Variants in FARP2 observed in about 807,000 individuals in gnomAD.
The protein encoded by FARP2 is FERM, ARHGEF and pleckstrin domain-containing protein 2.
Under a neutral mutation model 130.5 loss-of-function variants are expected in FARP2, and 111 were observed. The observed-to-expected ratio is 0.85, with a 90% CI of 0.73 to 1.00. FARP2 has a LOEUF of 1.00. FARP2 is among the 50% of genes least tolerant of loss of function. The probability of loss-of-function intolerance (pLI) is 0.00; values close to 1 mark genes in which losing one functional copy is unlikely to be tolerated. For synonymous variants in FARP2, 504 were observed against 516.9 expected, an observed-to-expected ratio of 0.98 and a Z score of 0.34; for missense variants, 1,385 against 1,346.3, an observed-to-expected ratio of 1.03 and a Z score of -0.45.
Position 241,483,519 on chromosome 2 carries a change from A to C in FARP2, c.2317A>C (p.Arg773=). 6.2e-7 allele frequency: 1 copy of C among 1,614,080 alleles called. No homozygotes were observed. The highest frequency in any genetic ancestry group is 8.5e-7 in the Non-Finnish European group (1 of 1,179,936). Residue 773 remains arginine, a synonymous_variant, in exon 20 of 27, where the codon AGG becomes CGG. Transcript: ENST00000264042. The stretch of plus-strand genomic sequence containing the variant: ...GCTCACCAAGAAGGGCCTGCAGCAG[A>C]GGATGTTTTTTCTGGTAGGTTCTCT... ...HKLTKKGLQQ[R]MFFLFSDMLL...
intron 21 of FARP2, 47 bp downstream of exon 21, chr2:241,484,378 T>TGGGCC (rs1559811795): frequency 1.3e-6 from 2 of 1,501,224 alleles, no homozygotes; most frequent in Non-Finnish European, 1.9e-6. Flanking sequence ...GGTGCTGGGC[T>TGGGCC]GGGCCCCACC....
rs769442983 is a variant in FARP2 at position 241,493,358 on chromosome 2, T to G, written c.2961T>G (p.Asp987Glu). 1.4e-5 allele frequency: 22 copies of G among 1,613,916 alleles called. No individual in the cohort carries two copies. In the East Asian group the frequency reaches 4.7e-4, roughly 34 times the overall value. The part of the protein sequence containing the change: ...GYSVSIPREA[D>E]GIHKDYVFKL... ...GCGTGAGCATCCCCAGGGAGGCCGA[T>G]GGCATACACAAAGACTATGTTTTCA... Residue 987 changes from aspartate to glutamate, a missense_variant, in exon 26 of 27, where the codon GAT becomes GAG. Coordinates refer to ENST00000264042, the MANE Select transcript of FARP2 (RefSeq NM_014808.4).
chr2:241,384,525 A>G (rs958042706), intron 2 of FARP2, among the ~76,000 whole-genome samples: 1 of 152,258 alleles, frequency 6.6e-6, no homozygotes, highest in East Asian at 1.9e-4. Context: ...TTCATGGATC[A>G]ATCTAAAATA....
At chr2:241,484,739 A>C (rs2124890606) in intron 21 of FARP2, among the ~76,000 whole-genome samples, 1 of 152,328 alleles carries the variant, frequency 6.6e-6, no homozygotes, top group South Asian at 2.1e-4. Context: ...GGATGGGAAG[A>C]GAAATTCCTC....
At chr2:241,432,347 G>A (rs1454527017) in intron 9 of FARP2, 1 of 152,330 alleles carries the variant, frequency 6.6e-6, no homozygotes, top group Non-Finnish European at 1.5e-5. Flanking sequence ...AAAACCCCAG[G>A]GTTTCAGCTT....
At chr2:241,487,737 T>C (rs191044950) in intron 21 of FARP2, among the ~76,000 whole-genome samples, 125 of 132,854 alleles carry the variant, frequency 9.4e-4, no homozygotes, top group Non-Finnish European at 1.6e-3. Flanking sequence ...TAGCTTAGCC[T>C]AGCCTACTCT....
Position 241,462,565 on chromosome 2 carries a change from C to T in FARP2, c.1630C>T (p.Leu544Phe). ...DEAYFIVKEI[L>F]ATERTYLKDL... Reference sequence around the variant, plus strand: ...GGCCTACTTCATAGTCAAAGAGATTCTCGCTACAGAACGAACATACCTCAA... The same window carrying T: ...GGCCTACTTCATAGTCAAAGAGATTTTCGCTACAGAACGAACATACCTCAA... The change falls in exon 15 of 27, where the codon CTC becomes TTC. Residue 544 changes from leucine (L) to phenylalanine (F), a missense_variant. Coordinates refer to ENST00000264042, the MANE Select transcript of FARP2 (RefSeq NM_014808.4). 1.2e-6 allele frequency: 2 copies of T among 1,614,040 alleles called. No individual in the cohort carries two copies. The highest frequency in any genetic ancestry group is 2.2e-5 in the East Asian group (1 of 44,894).
At chr2:241,407,051 G>GC (rs773935773) in intron 4 of FARP2, among the ~76,000 whole-genome samples, 17 of 150,374 alleles carry the variant, frequency 1.1e-4, no homozygotes, top group African/African-American at 3.4e-4. Flanking sequence ...CTTGTGATCC[G>GC]CCCCCCTCAG....
intron 2 of FARP2, among the ~76,000 whole-genome samples, chr2:241,398,416 T>C (rs1242214938): frequency 1.3e-5 from 2 of 152,218 alleles, no homozygotes; most frequent in African/African-American, 4.8e-5. Flanking sequence ...GTGAAAATTA[T>C]CAGTGTTGTT....
chr2:241,376,525 GTCCCCC>G (rs1308790847), intron 2 of FARP2, among the ~76,000 whole-genome samples: 1 of 59,750 alleles, frequency 1.7e-5, no homozygotes, highest in East Asian at 5.1e-4. Flanking sequence ...AGTGGGCAGA[GTCCCCC>G]TCCTGGGGAA....
intron 10 of FARP2, among the ~76,000 whole-genome samples, 176 bp downstream of exon 10, chr2:241,434,497 T>C (rs2063169049): frequency 6.6e-6 from 1 of 151,938 alleles, no homozygotes; most frequent in Admixed American, 6.6e-5. Context: ...ACGGAAAAAA[T>C]ACGCTTAATA....
intron 8 of FARP2, among the ~76,000 whole-genome samples, chr2:241,419,345 A>G (rs1347368151): frequency 6.6e-6 from 1 of 152,168 alleles, no homozygotes; most frequent in Non-Finnish European, 1.5e-5. Flanking sequence ...CCCCCATTGC[A>G]CAGAGATGAA....
intron 19 of FARP2, among the ~76,000 whole-genome samples, chr2:241,476,214 T>TAAAAAA (rs57746386): frequency 1.8e-5 from 2 of 108,164 alleles, no homozygotes; most frequent in Non-Finnish European, 3.8e-5. Context: ...TTCTATGAAT[T>TAAAAAA]AAAAAAAAAA....
chr2:241,364,391 C>T (rs1462624301), intron 1 of FARP2, among the ~76,000 whole-genome samples: 2 of 152,192 alleles, frequency 1.3e-5, no homozygotes, highest in East Asian at 1.9e-4. Flanking sequence ...GGTCAGCTGA[C>T]ACCTTGACTT....
At chr2:241,432,160 T>A (rs1464382495) in intron 9 of FARP2, 1 of 153,536 alleles carries the variant, frequency 6.5e-6, no homozygotes, top group East Asian at 1.9e-4. Context: ...GACCATTTTT[T>A]AACTCATAAT....
rs191068912 is a variant in FARP2 at position 241,428,062 on chromosome 2, A to G, written c.772-3617A>G. ...ATTACAGGCATGAGCCACCACGCCC[A>G]GCCTAGGCCCTCGGTTTTTTAAGAC... On this transcript the variant is annotated intron_variant, in intron 8 of 26. Coordinates refer to ENST00000264042, the MANE Select transcript of FARP2 (RefSeq NM_014808.4). 3.5e-3 allele frequency among the ~76,000 whole-genome samples: 530 copies of G among 151,664 alleles called. 4 individuals are homozygous for G. The highest frequency in any genetic ancestry group is 8.4e-3 in the African/African-American group (348 of 41,350).
intron 5 of FARP2, among the ~76,000 whole-genome samples, chr2:241,410,409 A>G (rs2062484534): frequency 6.7e-6 from 1 of 150,342 alleles, no homozygotes; most frequent in Admixed American, 6.7e-5. Context: ...GGTAGATGGT[A>G]TGCCTGAAAA....
intron 14 of FARP2, among the ~76,000 whole-genome samples, chr2:241,457,900 G>C (rs1049230496): frequency 6.6e-6 from 1 of 152,168 alleles, no homozygotes; most frequent in African/African-American, 2.4e-5. Flanking sequence ...GTTGTGGCAC[G>C]GGGAGGGGGG....
At chr2:241,399,871 C>T (rs2150342088) in intron 2 of FARP2, among the ~76,000 whole-genome samples, 1 of 152,242 alleles carries the variant, frequency 6.6e-6, no homozygotes, top group South Asian at 2.1e-4. Context: ...TTATTTTCAC[C>T]TGTATGGATA....
Sources: gnomAD v4.1 joint callset for allele counts (sites outside exome capture counted in the v4.1 genomes callset) on GRCh38, gnomAD v4.1.1 for gene constraint, MANE v1.5 for transcripts, NCBI Gene and HGNC (gene_info 2026-07-23, HGNC 2026-07-21) for gene names.